The following MICU3 variants were observed in gnomAD, a reference collection of about 807,000 sequenced individuals.
MICU3 encodes the protein calcium uptake protein 3, mitochondrial.
Under a neutral mutation model 66.5 loss-of-function variants are expected in MICU3, and 62 were observed. That is an observed-to-expected ratio of 0.93 (90% CI 0.76 to 1.15). The LOEUF is 1.15. Among genes scored for constraint, MICU3 ranks in the 50% most tolerant of loss-of-function variants. MICU3 has a pLI of 0.00. For synonymous variants in MICU3, 308 were observed against 240.7 expected, an observed-to-expected ratio of 1.28 and a Z score of -2.59; for missense variants, 779 against 664.4, an observed-to-expected ratio of 1.17 and a Z score of -1.90.
intron 13 of MICU3, among the ~76,000 whole-genome samples, chr8:17,118,178 T>C (rs988514551): frequency 6.6e-6 from 1 of 152,190 alleles, no homozygotes; most frequent in African/African-American, 2.4e-5. Flanking sequence ...TAGAAACGTT[T>C]GCCACTGTAC....
At chr8:17,050,514 A>T (rs1026532621) in intron 1 of MICU3, among the ~76,000 whole-genome samples, 1 of 152,126 alleles carries the variant, frequency 6.6e-6, no homozygotes, top group African/African-American at 2.4e-5. Context: ...TAAAAGCAAA[A>T]TTAACAAGCA....
rs371260367 is a variant in MICU3 at position 17,120,478 on chromosome 8, A to C, written c.*191A>C. ...AACAGATAAAATGCATCTTGTTACTACAAATGTTATATATATAAAATCAAG... is the reference window on the plus strand; with the variant it reads ...AACAGATAAAATGCATCTTGTTACTCCAAATGTTATATATATAAAATCAAG... On this transcript the variant is annotated 3_prime_UTR_variant, in exon 15 of 15. Coordinates refer to ENST00000318063, the MANE Select transcript of MICU3 (RefSeq NM_181723.3). The C allele has an allele frequency of 7.4e-4, 112 of 152,220 alleles. No individual in the cohort carries two copies. Among genetic ancestry groups the C allele is most frequent in the African/African-American group, 2.5e-3 (103 of 41,574 alleles). 9.4% of individuals were successfully genotyped at this position (152,220 alleles called of 1,614,324 possible). A position where few individuals can be genotyped will look rare whatever the true frequency, so the allele number is the denominator to read the frequency against.
chr8:17,100,048 A>G (rs907842960), intron 9 of MICU3, among the ~76,000 whole-genome samples: 1 of 151,826 alleles, frequency 6.6e-6, no homozygotes, highest in African/African-American at 2.4e-5. Context: ...GTTCTGTTGT[A>G]GATAGACTGG....
chr8:17,089,110 T>TA (rs1426682431), intron 7 of MICU3, among the ~76,000 whole-genome samples: 1 of 151,978 alleles, frequency 6.6e-6, no homozygotes, highest in Non-Finnish European at 1.5e-5. Context: ...GAATGCTTAC[T>TA]AAAGTCTTTG....
chr8:17,121,773 T>C lies in MICU3; in HGVS notation c.*1486T>C, dbSNP rs1803212905. The C allele has an allele frequency of 6.6e-6, 1 of 152,204 alleles. No homozygotes were observed. Among genetic ancestry groups the C allele is most frequent in the Admixed American group, 6.6e-5 (1 of 15,244 alleles). 9.4% of individuals were successfully genotyped at this position (152,204 alleles called of 1,614,324 possible). A position where few individuals can be genotyped will look rare whatever the true frequency, so the allele number is the denominator to read the frequency against. ...TAGACTTTTTACATTGTTTATCTAATATTATTTATGACAGTAATTTTAAAA... is the reference window on the plus strand; with the variant it reads ...TAGACTTTTTACATTGTTTATCTAACATTATTTATGACAGTAATTTTAAAA... On this transcript the variant is annotated 3_prime_UTR_variant, in exon 15 of 15. Transcript: ENST00000318063.
intron 1 of MICU3, among the ~76,000 whole-genome samples, chr8:17,055,889 T>C (rs999057273): frequency 1.3e-5 from 2 of 152,170 alleles, no homozygotes; most frequent in Non-Finnish European, 2.9e-5. Flanking sequence ...GTCTTGATCA[T>C]TGAGAAGGGA....
At chr8:17,062,996 C>T (rs993486176) in intron 1 of MICU3, among the ~76,000 whole-genome samples, 1 of 151,958 alleles carries the variant, frequency 6.6e-6, no homozygotes, top group Non-Finnish European at 1.5e-5. Flanking sequence ...ACATGAATAA[C>T]CAAGTAGAAT....
chr8:17,027,457 C>T lies in MICU3; in HGVS notation c.178C>T (p.Arg60Trp). The change falls in exon 1 of 15, where the codon CGG (arginine) becomes TGG (tryptophan). Residue 60 changes from arginine to tryptophan, a missense_variant. Physicochemically the swap from Arg to Trp is moderately radical, Grantham distance 101 (BLOSUM62 -3). Transcript: ENST00000318063. ...GGCTGTGGCGGAGGCGGCATGGAGG[C>T]GGCGGCGGCGCTGGGGGGAGCTGAG... ...ERAVAEAAWR[R>W]RRRWGELSVA... The T allele has an allele frequency of 3.9e-6, 5 of 1,293,844 alleles. No homozygotes were observed. Among genetic ancestry groups the T allele is most frequent in the Non-Finnish European group, 3.9e-6 (4 of 1,024,918 alleles). The allele number at this position is 1,293,844 out of a possible 1,614,324, so 80.1% of individuals were successfully genotyped here.
At chr8:17,124,941 T>C (rs1369477676), downstream of MICU3, among the ~76,000 whole-genome samples, 1 of 152,112 alleles carries the variant, frequency 6.6e-6, no homozygotes, top group Admixed American at 6.6e-5. Context: ...TTCAAATTAA[T>C]GTACCTTGAT....
At chr8:17,097,327 A>G (rs987443655) in intron 8 of MICU3, among the ~76,000 whole-genome samples, 3 of 151,762 alleles carry the variant, frequency 2.0e-5, no homozygotes, top group African/African-American at 7.2e-5. Flanking sequence ...GTTAAAGCTT[A>G]TATTATTATA....
intron 3 of MICU3, among the ~76,000 whole-genome samples, chr8:17,072,565 AGATG>A (rs1174399082): frequency 9.9e-5 from 15 of 152,178 alleles, no homozygotes; most frequent in Admixed American, 9.2e-4. Context: ...CAATGTTAAA[AGATG>A]TATGATGGAT....
At chr8:17,102,534 A>G (rs554438775) in intron 9 of MICU3, 3 of 151,878 alleles carry the variant, frequency 2.0e-5, no homozygotes, top group Non-Finnish European at 4.4e-5. Flanking sequence ...TCAGTGACCC[A>G]TGTCTTCTAA....
chr8:17,096,047 T>G (rs571859115), intron 8 of MICU3, among the ~76,000 whole-genome samples: 1 of 152,086 alleles, frequency 6.6e-6, no homozygotes, highest in African/African-American at 2.4e-5. Context: ...TTCTTTTACC[T>G]CTTTTAATGA....
downstream of MICU3, among the ~76,000 whole-genome samples, chr8:17,123,879 G>A (rs1317505114): frequency 4.7e-5 from 7 of 150,286 alleles, no homozygotes; most frequent in Non-Finnish European, 1.0e-4. Context: ...TACTTTGATT[G>A]CATAGAACTA....
downstream of MICU3, among the ~76,000 whole-genome samples, chr8:17,127,514 A>T (rs1737400885): frequency 2.4e-5 from 1 of 41,034 alleles, no homozygotes; most frequent in East Asian, 5.8e-4. Flanking sequence ...TTGTCAACTT[A>T]AATATGTTTT....
At chr8:17,134,634 CG>C in the MICU3 span, among the ~76,000 whole-genome samples, 1 of 152,026 alleles carries the variant, frequency 6.6e-6, no homozygotes, top group Admixed American at 6.5e-5. Flanking sequence ...TTAGTAGAGA[CG>C]GGGTTTCACC....
chr8:17,052,204 A>AT (rs767904495), intron 1 of MICU3, among the ~76,000 whole-genome samples: 19 of 151,784 alleles, frequency 1.3e-4, no homozygotes, highest in African/African-American at 2.4e-4. Context: ...AGAGACTTAA[A>AT]TTTTTTTTTG....
At chr8:17,105,033 A>G (rs1282663059) in intron 10 of MICU3, among the ~76,000 whole-genome samples, 1 of 150,616 alleles carries the variant, frequency 6.6e-6, no homozygotes, top group Non-Finnish European at 1.5e-5. Flanking sequence ...AATTCCAGAT[A>G]TCTGGATTGA....
At chr8:17,064,910 G>C (rs1424434082) in intron 2 of MICU3, among the ~76,000 whole-genome samples, 1 of 152,040 alleles carries the variant, frequency 6.6e-6, no homozygotes, top group African/African-American at 2.4e-5. Context: ...ATTGGCTGGT[G>C]GTAGTTGCAG....
Sources: allele counts gnomAD v4.1 joint callset (sites outside exome capture counted in the v4.1 genomes callset), GRCh38; gene constraint gnomAD v4.1.1; transcripts MANE v1.5; gene names NCBI Gene and HGNC (gene_info 2026-07-23, HGNC 2026-07-21).